PTPRD: variants seen among roughly 807,000 people sequenced by gnomAD.
PTPRD encodes protein tyrosine phosphatase receptor type D, also known as receptor-type tyrosine-protein phosphatase delta.
PTPRD carries 34 observed loss-of-function variants against 214.5 expected under a neutral mutation model. The ratio of observed to expected loss-of-function variants is 0.16; its 90% confidence interval spans 0.12 to 0.21. PTPRD has a LOEUF of 0.21. Ranked by LOEUF, PTPRD falls within the 10% of genes least tolerant of loss-of-function variation. PTPRD has a pLI of 1.00. For synonymous variants in PTPRD, 1,128 were observed against 845.7 expected (o/e 1.33, Z -5.79); for missense variants, 2,545 against 2,398.7 (o/e 1.06, Z -1.27).
At chr9:9,628,600 A>T (rs2154357785) in intron 7 of PTPRD, among the ~76,000 whole-genome samples, 1 of 151,814 alleles carries the variant, frequency 6.6e-6, no homozygotes, top group African/African-American at 2.4e-5. Context: ...AGATTAAAAA[A>T]CTCTTAATGA....
intron 3 of PTPRD, among the ~76,000 whole-genome samples, chr9:10,091,318 G>C (rs906455805): frequency 6.6e-6 from 1 of 151,430 alleles, no homozygotes; most frequent in African/African-American, 2.4e-5. Context: ...ATTTGAAAAT[G>C]TATCATTGAG....
intron 3 of PTPRD, among the ~76,000 whole-genome samples, chr9:10,091,880 T>C (rs2098435629): frequency 6.6e-6 from 1 of 151,408 alleles, no homozygotes; most frequent in African/African-American, 2.4e-5. Flanking sequence ...CCTGTCCTTT[T>C]TCTCTCCCGG....
At chr9:10,270,086 G>C (rs2094333760) in intron 3 of PTPRD, among the ~76,000 whole-genome samples, 2 of 152,122 alleles carry the variant, frequency 1.3e-5, no homozygotes, top group South Asian at 4.1e-4. Flanking sequence ...ATTTTTGTTT[G>C]TATGCATGTA....
chr9:9,886,686 G>A (rs983470090), intron 5 of PTPRD, among the ~76,000 whole-genome samples: 1 of 152,162 alleles, frequency 6.6e-6, no homozygotes, highest in African/African-American at 2.4e-5. Context: ...CAAGAATGAA[G>A]AAGAAGTAAC....
intron 10 of PTPRD, among the ~76,000 whole-genome samples, chr9:9,037,659 T>C (rs1005205714): frequency 2.6e-5 from 4 of 152,216 alleles, no homozygotes; most frequent in African/African-American, 9.6e-5. Flanking sequence ...ATTCTCTTTG[T>C]CTTTCCCTTC....
intron 30 of PTPRD, among the ~76,000 whole-genome samples, chr9:8,481,767 T>C (rs2135602454): frequency 6.8e-6 from 1 of 147,332 alleles, no homozygotes; most frequent in Middle Eastern, 3.4e-3. Context: ...CCTAAATGCA[T>C]ATCTATAATC....
intron 7 of PTPRD, among the ~76,000 whole-genome samples, chr9:9,590,789 A>G (rs1162990548): frequency 1.3e-5 from 2 of 152,034 alleles, no homozygotes; most frequent in African/African-American, 4.8e-5. Context: ...TCCATTTGAA[A>G]TACTGTTTAT....
chr9:8,373,901 TCTATCTATCTATCTAC>T (rs1217338766), intron 39 of PTPRD, among the ~76,000 whole-genome samples: 26 of 93,978 alleles, frequency 2.8e-4, no homozygotes, highest in Non-Finnish European at 5.0e-4. Context: ...TATCTATCTA[TCTATCTATCTATCTAC>T]CTACCTACCT....
rs73644465 is a variant in PTPRD at position 10,467,273 on chromosome 9, T to G, written c.-599-126256A>C. On this transcript the variant is annotated intron_variant, in intron 2 of 45. Transcript: ENST00000381196. ...GGCATCTGCCAAAAGGGAATAAACC[T>G]GTCAATATACTGTGTTGTTTTAAGA... is the stretch of plus-strand genomic sequence containing the variant. Among the ~76,000 whole-genome samples the G allele has an allele frequency of 1.7e-3, 261 of 152,350 alleles. 1 individual carries two copies. Among genetic ancestry groups the G allele is most frequent in the African/African-American group, 5.7e-3 (238 of 41,588 alleles).
At position 9,550,007 on chromosome 9, in the gene PTPRD, A is replaced by T. The variant is rs547328050; in HGVS notation, c.-237+24725T>A. 5.3e-4 allele frequency among the ~76,000 whole-genome samples: 81 copies of T among 152,196 alleles called. 1 individual carries two copies. The highest frequency in any genetic ancestry group is 4.9e-3 in the Admixed American group (74 of 15,248). On this transcript the variant is annotated intron_variant, in intron 8 of 45. Coordinates refer to ENST00000381196, the MANE Select transcript of PTPRD (RefSeq NM_002839.4). ...CCAAATTGGTTAGACTGTAGTGACC[A>T]GTTGTTTGGTCAAACCCCAAATTAA...
chr9:9,847,990 G>A (rs2059861422), intron 5 of PTPRD, among the ~76,000 whole-genome samples: 1 of 152,130 alleles, frequency 6.6e-6, no homozygotes, highest in Non-Finnish European at 1.5e-5. Flanking sequence ...AAAGGCAGTG[G>A]CAGTCCATGT....
chr9:9,807,920 T>A (rs1204565627), intron 5 of PTPRD, among the ~76,000 whole-genome samples: 3 of 152,186 alleles, frequency 2.0e-5, no homozygotes, highest in African/African-American at 7.2e-5. Flanking sequence ...GAGCAGTTTT[T>A]ATATTGTATT....
intron 4 of PTPRD, among the ~76,000 whole-genome samples, chr9:9,947,814 C>A (rs546285652): frequency 2.0e-5 from 3 of 148,946 alleles, no homozygotes; most frequent in Non-Finnish European, 4.4e-5. Context: ...TAAAGAGATT[C>A]AAGTAATGGT....
chr9:8,483,192 G>A (rs943038521), intron 30 of PTPRD, among the ~76,000 whole-genome samples: 1 of 152,150 alleles, frequency 6.6e-6, no homozygotes, highest in African/African-American at 2.4e-5. Context: ...TTCCACTTCA[G>A]GCCTGTTGGC....
intron 5 of PTPRD, among the ~76,000 whole-genome samples, chr9:9,850,010 G>C (rs1309459871): frequency 2.0e-5 from 3 of 152,106 alleles, no homozygotes; most frequent in Admixed American, 1.3e-4. Context: ...ATAAACACCA[G>C]AGCCGGATCA....
At chr9:9,053,816 G>C (rs1370047443) in intron 10 of PTPRD, among the ~76,000 whole-genome samples, 1 of 152,076 alleles carries the variant, frequency 6.6e-6, no homozygotes, top group Non-Finnish European at 1.5e-5. Flanking sequence ...TGGCAGATTA[G>C]GTTTAGAAAG....
chr9:8,438,548 C>T (rs1308815341), intron 34 of PTPRD, among the ~76,000 whole-genome samples: 1 of 152,024 alleles, frequency 6.6e-6, no homozygotes, highest in Non-Finnish European at 1.5e-5. Flanking sequence ...CTGATAATTA[C>T]GTGATCTTAT....
intron 45 of PTPRD, among the ~76,000 whole-genome samples, chr9:8,319,278 A>G (rs1346843484): frequency 6.6e-6 from 1 of 152,124 alleles, no homozygotes; most frequent in East Asian, 1.9e-4. Flanking sequence ...TGGCTATATC[A>G]TAAACTCTTA....
At chr9:8,322,567 G>T (rs975381558) in intron 44 of PTPRD, among the ~76,000 whole-genome samples, 8 of 152,148 alleles carry the variant, frequency 5.3e-5, no homozygotes, top group African/African-American at 1.9e-4. Context: ...GAGGTGAGGA[G>T]GCTGCAGAAG....
Sources: allele counts gnomAD v4.1 joint callset (sites outside exome capture counted in the v4.1 genomes callset), GRCh38; gene constraint gnomAD v4.1.1; transcripts MANE v1.5; gene names NCBI Gene and HGNC (gene_info 2026-07-23, HGNC 2026-07-21).